The following WDFY4 variants were observed in gnomAD, a reference collection of about 807,000 sequenced individuals.
WDFY4 encodes the protein WDFY family member 4.
WDFY4 carries 169 observed loss-of-function variants against 351.9 expected under a neutral mutation model. The observed-to-expected ratio is 0.48, with a 90% CI of 0.42 to 0.55. The LOEUF (loss-of-function observed/expected upper bound fraction) is 0.55, where lower values mean the gene tolerates loss of function less well. Among genes scored for constraint, WDFY4 ranks in the 20% least tolerant of loss-of-function variants. The probability of loss-of-function intolerance (pLI) is 0.00; values close to 1 mark genes in which losing one functional copy is unlikely to be tolerated. For synonymous variants in WDFY4, 1,622 were observed against 1,574.6 expected (o/e 1.03, Z -0.71); for missense variants, 3,803 against 3,935.6 (o/e 0.97, Z 0.90).
intron 1 of WDFY4, among the ~76,000 whole-genome samples, chr10:48,692,491 A>C (rs2063221755): frequency 6.6e-6 from 1 of 152,224 alleles, no homozygotes; most frequent in South Asian, 2.1e-4. Flanking sequence ...TGTGTATTTA[A>C]TGTGATGATT....
chr10:48,788,307 G>T (rs1027925578), intron 20 of WDFY4, among the ~76,000 whole-genome samples: 1 of 152,132 alleles, frequency 6.6e-6, no homozygotes, highest in African/African-American at 2.4e-5. Flanking sequence ...GGGATTACAG[G>T]CATGAGCCAC....
intron 7 of WDFY4, among the ~76,000 whole-genome samples, chr10:48,728,140 G>A (rs1423493287): frequency 6.6e-6 from 1 of 152,250 alleles, no homozygotes; most frequent in African/African-American, 2.4e-5. Flanking sequence ...GTGGCCCCAT[G>A]AGGCGCTTGC....
chr10:48,872,381 A>C (rs1004565827), intron 40 of WDFY4, among the ~76,000 whole-genome samples: 2 of 152,216 alleles, frequency 1.3e-5, no homozygotes, highest in East Asian at 1.9e-4. Flanking sequence ...GCTTTGGAGA[A>C]GGCACTTCTC....
At chr10:48,746,029 A>T (rs1175135641) in intron 12 of WDFY4, 1 of 168,684 alleles carries the variant, frequency 5.9e-6, no homozygotes, top group Non-Finnish European at 1.3e-5. Context: ...CTCGCAGCGC[A>T]CCACCACCTT....
chr10:48,815,088 T>A (rs1380165173), intron 31 of WDFY4, among the ~76,000 whole-genome samples: 2 of 152,252 alleles, frequency 1.3e-5, no homozygotes, highest in Non-Finnish European at 2.9e-5. Context: ...TGGGATGTAG[T>A]ATAGCAGGTC....
intron 45 of WDFY4, among the ~76,000 whole-genome samples, 199 bp downstream of exon 45, chr10:48,897,773 C>T (rs1837159208): frequency 6.6e-6 from 1 of 152,262 alleles, no homozygotes; most frequent in African/African-American, 2.4e-5. Flanking sequence ...GACTTCTGCT[C>T]CACTCTGCAG....
chr10:48,730,990 G>A, intron 8 of WDFY4, 120 bp from the exon 9 acceptor site: 1 of 1,127,038 alleles, frequency 8.9e-7, no homozygotes, highest in Non-Finnish European at 1.2e-6. Flanking sequence ...ATGGACATGT[G>A]CCCATAGGAG....
At position 48,897,470 on chromosome 10, in the gene WDFY4, A is replaced by T; in HGVS notation, c.7333A>T (p.Ile2445Phe). 6.4e-7 allele frequency: 1 copy of T among 1,551,564 alleles called. No individual in the cohort carries two copies. Among genetic ancestry groups the T allele is most frequent in the East Asian group, 2.4e-5 (1 of 40,916 alleles). The change falls in exon 45 of 62, where the codon ATT becomes TTT. Residue 2445 changes from isoleucine to phenylalanine, a missense_variant. Around this residue, in one of 3 missense-constraint regions of WDFY4, gnomAD observed 3,054 missense variants for 3,148.6 expected, o/e 0.97. Transcript: ENST00000325239. ...HCLSNISDPF[I>F]FNLCSKDRST... Reference sequence around the variant, plus strand: ...CCTTTTCAGCATCAGCGATCCGTTCATTTTCAACCTGTGCAGCAAAGACAG... The same window carrying T: ...CCTTTTCAGCATCAGCGATCCGTTCTTTTTCAACCTGTGCAGCAAAGACAG...
chr10:48,729,086 C>A (rs1383488011), intron 7 of WDFY4, among the ~76,000 whole-genome samples: 1 of 152,252 alleles, frequency 6.6e-6, no homozygotes, highest in Non-Finnish European at 1.5e-5. Flanking sequence ...CATTTTGTTG[C>A]AATGTTGAAC....
chr10:48,961,539 A>C (rs1270608619), intron 53 of WDFY4, among the ~76,000 whole-genome samples: 1 of 152,214 alleles, frequency 6.6e-6, no homozygotes, highest in African/African-American at 2.4e-5. Context: ...GTGCTTTAGA[A>C]GATGAGGCAG....
intron 53 of WDFY4, among the ~76,000 whole-genome samples, chr10:48,962,157 A>G (rs1590000122): frequency 6.6e-6 from 1 of 152,202 alleles, no homozygotes; most frequent in Non-Finnish European, 1.5e-5. Context: ...TTCTGTGGCA[A>G]CCACCAACAA....
intron 35 of WDFY4, chr10:48,823,172 T>G (rs778393700): frequency 2.3e-6 from 3 of 1,303,512 alleles, no homozygotes; most frequent in South Asian, 2.5e-5. Flanking sequence ...GAGACCTTTT[T>G]TTTTTTTAGA....
intron 2 of WDFY4, among the ~76,000 whole-genome samples, chr10:48,713,716 G>C (rs1589436807): frequency 6.6e-6 from 1 of 152,224 alleles, no homozygotes; most frequent in Non-Finnish European, 1.5e-5. Flanking sequence ...CCTCTTGTTA[G>C]GTCAAAGAGT....
At chr10:48,781,588 G>A (rs539032150) in intron 19 of WDFY4, among the ~76,000 whole-genome samples, 264 of 152,274 alleles carry the variant, frequency 1.7e-3, no homozygotes, top group African/African-American at 5.7e-3. Context: ...GAGCCACTGC[G>A]CCTGGCTGAC....
chr10:48,814,160 C>A, intron 31 of WDFY4, 78 bp downstream of exon 31: 1 of 1,431,676 alleles, frequency 7.0e-7, no homozygotes, highest in Non-Finnish European at 9.2e-7. Flanking sequence ...CTTGACTTTT[C>A]TCTTAGCATC....
At chr10:48,742,101 G>T (rs74412364) in intron 11 of WDFY4, among the ~76,000 whole-genome samples, 12,576 of 151,712 alleles carry the variant, frequency 0.083, 658 homozygotes, top group East Asian at 0.24. Context: ...ATTACCTAGA[G>T]TATATACCAT....
At chr10:48,754,251 T>C (rs1422418246) in intron 12 of WDFY4, among the ~76,000 whole-genome samples, 3 of 150,840 alleles carry the variant, frequency 2.0e-5, no homozygotes, top group Admixed American at 6.6e-5. Context: ...TTTTTCTGTA[T>C]TGTCTTTGTG....
intron 46 of WDFY4, among the ~76,000 whole-genome samples, chr10:48,900,821 G>T (rs1187625595): frequency 1.5e-4 from 23 of 152,202 alleles, no homozygotes; most frequent in Admixed American, 1.5e-3. Context: ...AAGCCAGTGT[G>T]TAAGTTCTTA....
chr10:48,955,216 T>C (rs1298036270), intron 51 of WDFY4, among the ~76,000 whole-genome samples: 5 of 152,210 alleles, frequency 3.3e-5, no homozygotes. Flanking sequence ...CCATTTCAAT[T>C]TAAATTTGAT....
Sources: allele counts gnomAD v4.1 joint callset (sites outside exome capture counted in the v4.1 genomes callset), GRCh38; gene constraint gnomAD v4.1.1; regional missense constraint gnomAD v4.1.1; transcripts MANE v1.5; gene names NCBI Gene and HGNC (gene_info 2026-07-23, HGNC 2026-07-21).